RNF123: variants seen among roughly 807,000 people sequenced by gnomAD.
RNF123 encodes the protein E3 ubiquitin-protein ligase RNF123.
In RNF123, 86 loss-of-function variants were observed where a neutral mutation model predicts 168.5. The observed-to-expected ratio is 0.51, with a 90% CI of 0.43 to 0.61. The LOEUF (loss-of-function observed/expected upper bound fraction) is 0.61, where lower values mean the gene tolerates loss of function less well. Ranked by LOEUF, RNF123 falls within the 20% of genes least tolerant of loss-of-function variation. The pLI is 0.00. For synonymous variants in RNF123, 666 were observed against 689.1 expected, an observed-to-expected ratio of 0.97 and a Z score of 0.52; for missense variants, 1,419 against 1,729.7, an observed-to-expected ratio of 0.82 and a Z score of 3.19.
intron 38 of RNF123, 30 bp downstream of exon 38, chr3:49,721,135 G>A: frequency 2.5e-6 from 4 of 1,614,038 alleles, no homozygotes; most frequent in African/African-American, 1.3e-5. Context: ...TGGTGGTGGG[G>A]AGAGCAGTAG....
intron 17 of RNF123, 46 bp from the exon 18 acceptor site, chr3:49,702,037 C>A (rs1051344864): frequency 1.2e-6 from 2 of 1,600,722 alleles, no homozygotes; most frequent in Middle Eastern, 1.7e-4. Flanking sequence ...AAACCTGCCC[C>A]CCATCTCCTG....
chr3:49,699,182 G>C lies in RNF123; in HGVS notation c.764+77G>C. On this transcript the variant is annotated intron_variant, in intron 10 of 38. Transcript: ENST00000327697. The surrounding 1 kb of genome is among the most constrained non-coding windows in gnomAD (Gnocchi z 4.8). ...TGGGATGAGGGGCTCCCTACCCCAG[G>C]GGTGCCATGGGCTGGTGGCAGGCCC... 6.5e-7 allele frequency: 1 copy of C among 1,544,204 alleles called. No homozygotes were observed.
intron 25 of RNF123, among the ~76,000 whole-genome samples, 188 bp downstream of exon 25, chr3:49,706,253 G>GC (rs35504478): frequency 6.6e-6 from 1 of 152,172 alleles, no homozygotes; most frequent in Non-Finnish European, 1.5e-5. Context: ...GTGCCTAGGT[G>GC]CCCCCCACCC....
chr3:49,696,120 G>A (rs1232913616), intron 3 of RNF123, among the ~76,000 whole-genome samples: 1 of 152,204 alleles, frequency 6.6e-6, no homozygotes, highest in East Asian at 1.9e-4. Flanking sequence ...GGAACCACAG[G>A]CCTAGGGGCA....
chr3:49,701,523 A>T lies in RNF123; in HGVS notation c.1310A>T (p.Tyr437Phe). 1 of 1,613,780 alleles carries T rather than the reference A, an allele frequency of 6.2e-7. No homozygotes were observed. The highest frequency in any genetic ancestry group is 8.5e-7 in the Non-Finnish European group (1 of 1,179,998). ...GTGCTCCGCTCCGTCGTCTTCTTTT[A>T]CATCAAGAGCCCCCTGCGTGTGGAG... ...FDVLRSVVFF[Y>F]IKSPLRVEEA... Residue 437 changes from tyrosine to phenylalanine, a missense_variant, in exon 16 of 39, where the codon TAC becomes TTC. Physicochemically the swap from Tyr to Phe is conservative, Grantham distance 22. Coordinates refer to ENST00000327697, the MANE Select transcript of RNF123 (RefSeq NM_022064.5).
At chr3:49,719,712 T>C in intron 35 of RNF123, 1 of 475,470 alleles carries the variant, frequency 2.1e-6, no homozygotes, top group Non-Finnish European at 3.8e-6. Flanking sequence ...GGCTCCTAAA[T>C]ACTCCCCCCA....
At chr3:49,710,683 A>G (rs2080129904) in intron 26 of RNF123, among the ~76,000 whole-genome samples, 1 of 152,226 alleles carries the variant, frequency 6.6e-6, no homozygotes, top group Non-Finnish European at 1.5e-5. Flanking sequence ...GTCTGTGAAC[A>G]GAGATAATTT....
chr3:49,705,266 C>G, intron 23 of RNF123, 84 bp downstream of exon 23: 3 of 1,461,444 alleles, frequency 2.1e-6, no homozygotes, highest in Non-Finnish European at 2.8e-6. Context: ...CCAAAATACA[C>G]CCCATGCCCT....
chr3:49,711,343 A>G (rs957569273), intron 26 of RNF123, among the ~76,000 whole-genome samples: 2 of 152,106 alleles, frequency 1.3e-5, no homozygotes, highest in Admixed American at 6.5e-5. Context: ...TAGCTGCTAC[A>G]TCTTCCCCTT....
chr3:49,718,906 G>A, intron 35 of RNF123: 1 of 1,613,742 alleles, frequency 6.2e-7, no homozygotes, highest in Non-Finnish European at 8.5e-7. Context: ...GAGGTCCAGA[G>A]TAAGCAGGTG....
intron 26 of RNF123, among the ~76,000 whole-genome samples, chr3:49,708,812 G>A (rs570913132): frequency 1.3e-5 from 2 of 152,146 alleles, no homozygotes; most frequent in Admixed American, 6.5e-5. Flanking sequence ...GGACACTCGG[G>A]TTGCTTCTAC....
chr3:49,719,259 G>A, intron 35 of RNF123: 2 of 1,613,322 alleles, frequency 1.2e-6, no homozygotes, highest in Non-Finnish European at 1.7e-6. Context: ...GCGCGTTGTG[G>A]CTCAGGTCGA....
At chr3:49,708,192 G>A (rs930433459) in intron 26 of RNF123, among the ~76,000 whole-genome samples, 1 of 152,126 alleles carries the variant, frequency 6.6e-6, no homozygotes, top group Non-Finnish European at 1.5e-5. Flanking sequence ...TCAAACTCCT[G>A]GCCTCATGTG....
chr3:49,718,103 C>T, intron 35 of RNF123: 1 of 1,613,624 alleles, frequency 6.2e-7, no homozygotes, highest in South Asian at 1.1e-5. Flanking sequence ...TCCAGAAAGA[C>T]TACGTGCTTG....
chr3:49,718,706 A>G lies in RNF123; in HGVS notation c.3501-1805A>G, dbSNP rs1259344975. 1.9e-6 allele frequency: 3 copies of G among 1,612,904 alleles called. No homozygotes were observed. The African/African-American group carries it at 4.0e-5, about 22-fold the overall frequency. ...CGCACGCGGGACGCGGGTACCTTGA[A>G]GGCCAAGCATACGTACTCGCGCGCA... On this transcript the variant is annotated intron_variant, in intron 35 of 38. Transcript: ENST00000327697.
chr3:49,720,566 A>G lies in RNF123; in HGVS notation c.3556A>G (p.Ile1186Val). 1 of 1,611,994 alleles carries G rather than the reference A, an allele frequency of 6.2e-7. No homozygotes were observed. The highest frequency in any genetic ancestry group is 8.5e-7 in the Non-Finnish European group (1 of 1,178,790). The stretch of plus-strand genomic sequence containing the variant: ...AGATCCCTGCTTCCAGCTACGCTCA[A>G]TATGCTATCTCCTGGGACAGCCAGA... ...LADPCFQLRS[I>V]CYLLGQPEPP... Residue 1186 changes from isoleucine to valine, a missense_variant, in exon 36 of 39, where the codon ATA becomes GTA. Around this residue, in one of 5 missense-constraint regions of RNF123, gnomAD observed 164 missense variants for 152.3 expected, o/e 1.08. Coordinates refer to ENST00000327697, the MANE Select transcript of RNF123 (RefSeq NM_022064.5).
In RNF123 at chr3:49,697,422, G is replaced by T; in HGVS notation, c.307G>T (p.Glu103Ter). Residue 103 changes from glutamate to a stop codon, truncating the protein, a stop_gained, in exon 5 of 39, where the codon GAG becomes TAG. Transcript: ENST00000327697. LOFTEE classifies it high-confidence loss of function. The stretch of plus-strand genomic sequence containing the variant: ...GGTCCTGGACCACACAGGCGGCTTT[G>T]AGGGGCTTCTCCTGGTGGATGATGA... ...TVVLDHTGGF[E>*]GLLLVDDDLL... The T allele has an allele frequency of 6.2e-7, 1 of 1,611,034 alleles. No individual in the cohort carries two copies. The highest frequency in any genetic ancestry group is 8.5e-7 in the Non-Finnish European group (1 of 1,178,318).
Position 49,702,219 on chromosome 3 carries a change from T to C in RNF123, c.1557+75T>C. 1.9e-6 allele frequency: 3 copies of C among 1,589,008 alleles called. No individual in the cohort carries two copies. The Admixed American group carries it at 5.0e-5, about 26-fold the overall frequency. On this transcript the variant is annotated intron_variant, in intron 18 of 38. Coordinates refer to ENST00000327697, the MANE Select transcript of RNF123 (RefSeq NM_022064.5). ...GCACTGGGCCTTAAGACCCAGAGGG[T>C]GGGAACTGGGTTTGGTTCCCATGGC...
intron 35 of RNF123, chr3:49,718,540 A>G (rs752548201): frequency 1.2e-5 from 19 of 1,613,154 alleles, no homozygotes; most frequent in South Asian, 4.4e-5. Context: ...AACCCAGGCA[A>G]TGCGCATGGC....
Sources: gnomAD v4.1 joint callset for allele counts (sites outside exome capture counted in the v4.1 genomes callset) on GRCh38, gnomAD v4.1.1 for gene constraint, gnomAD v4.1.1 regional missense constraint, Gnocchi (gnomAD v3.1) non-coding constraint, MANE v1.5 for transcripts, NCBI Gene and HGNC (gene_info 2026-07-23, HGNC 2026-07-21) for gene names.